The following PTPRA variants were observed in gnomAD, a reference collection of about 807,000 sequenced individuals.
PTPRA encodes receptor-type tyrosine-protein phosphatase alpha.
In PTPRA, 25 loss-of-function variants were observed where a neutral mutation model predicts 104.8. That is an observed-to-expected ratio of 0.24 (90% CI 0.17 to 0.33). The LOEUF (loss-of-function observed/expected upper bound fraction) is 0.33. Ranked by LOEUF, PTPRA falls within the 10% of genes least tolerant of loss-of-function variation. PTPRA has a pLI of 1.00. For synonymous variants in PTPRA, 323 were observed against 368.9 expected (o/e 0.88, Z 1.43); for missense variants, 765 against 1,015.3 (o/e 0.75, Z 3.35).
At chr20:2,956,108 A>T (rs578217290) in intron 3 of PTPRA, among the ~76,000 whole-genome samples, 10 of 152,274 alleles carry the variant, frequency 6.6e-5, no homozygotes, top group African/African-American at 2.4e-4. Context: ...TCTCCTTTAG[A>T]TATTCCTGCC....
rs576282697 is a variant in PTPRA, at chr20:3,009,084, G to C, written c.906+1664G>C. Among the ~76,000 whole-genome samples the C allele has an allele frequency of 9.2e-5, 14 of 152,308 alleles. 1 individual carries two copies. In the South Asian group the frequency reaches 2.9e-3, roughly 32 times the overall value. The stretch of plus-strand genomic sequence containing the variant: ...ATGGATAGAGACGACTCGTAGGTGT[G>C]GGTAAAGCAAGTTGAGGCAACTCAC... On this transcript the variant is annotated intron_variant, in intron 11 of 23. Transcript: ENST00000399903.
intron 11 of PTPRA, among the ~76,000 whole-genome samples, chr20:3,009,204 G>T (rs1401023713): frequency 4.6e-5 from 7 of 152,036 alleles, no homozygotes; most frequent in Non-Finnish European, 8.8e-5. Flanking sequence ...CCTGAGAAAA[G>T]GATACCAAAG....
rs1484880809 is a variant in PTPRA at position 2,885,155 on chromosome 20, A to G, written c.-129+11395A>G. On this transcript the variant is annotated intron_variant, in intron 1 of 23. Coordinates refer to ENST00000399903, the MANE Select transcript of PTPRA (RefSeq NM_001385305.1). ...GAAAGAACGCCTGCACCTTTTTACA[A>G]TCCCAGCAGCAGTGTATGAGTGTAT... 3.3e-5 allele frequency among the ~76,000 whole-genome samples: 5 copies of G among 152,104 alleles called. No individual in the cohort carries two copies. The East Asian group carries it at 5.8e-4, about 18-fold the overall frequency.
intron 1 of PTPRA, among the ~76,000 whole-genome samples, chr20:2,880,355 G>A (rs186555220): frequency 6.6e-6 from 1 of 152,312 alleles, no homozygotes. Flanking sequence ...AACAGTTAAT[G>A]TGTTAACTGT....
At chr20:2,977,932 T>C (rs1419250993) in intron 6 of PTPRA, among the ~76,000 whole-genome samples, 1 of 152,086 alleles carries the variant, frequency 6.6e-6, no homozygotes, top group East Asian at 1.9e-4. Flanking sequence ...GCTCATTATA[T>C]CTGGGGAGTG....
intron 3 of PTPRA, among the ~76,000 whole-genome samples, chr20:2,948,650 T>C (rs947971645): frequency 6.6e-6 from 1 of 152,144 alleles, no homozygotes; most frequent in African/African-American, 2.4e-5. Context: ...ACCAGTATTA[T>C]TCTTAATACT....
chr20:2,939,805 C>T (rs1048436600), intron 2 of PTPRA, among the ~76,000 whole-genome samples: 6 of 151,938 alleles, frequency 3.9e-5, no homozygotes, highest in Admixed American at 3.3e-4. Flanking sequence ...CTAGAATGTT[C>T]GGTTATAATC....
intron 18 of PTPRA, 23 bp from the exon 19 acceptor site, chr20:3,027,098 A>G: frequency 6.2e-7 from 1 of 1,612,444 alleles, no homozygotes; most frequent in Non-Finnish European, 8.5e-7. Flanking sequence ...TTGGCTAGCC[A>G]TAAGCCGCTA....
chr20:3,018,174 C>T (rs886236460), intron 13 of PTPRA, among the ~76,000 whole-genome samples: 19 of 152,198 alleles, frequency 1.2e-4, no homozygotes, highest in Non-Finnish European at 1.0e-4. Flanking sequence ...TGACTTGGGC[C>T]ATCAGCTAAG....
intron 1 of PTPRA, among the ~76,000 whole-genome samples, chr20:2,891,863 A>T (rs1363678116): frequency 1.3e-5 from 2 of 152,190 alleles, no homozygotes; most frequent in Non-Finnish European, 2.9e-5. Flanking sequence ...AATAATCTCC[A>T]GATTACCTAT....
chr20:2,865,592 C>T, the PTPRA span: 3 of 1,116,518 alleles, frequency 2.7e-6, no homozygotes, highest in Non-Finnish European at 3.8e-6. The surrounding 1 kb of genome is among the most constrained non-coding windows in gnomAD (Gnocchi z 5.2). Context: ...CGTTCATGCT[C>T]CTGTTCAGCT....
In PTPRA at chr20:2,923,087, G is replaced by T. The variant is rs182623972; in HGVS notation, c.-128-120G>T. The T allele has an allele frequency of 9.1e-6, 3 of 328,482 alleles. No individual in the cohort carries two copies. The Admixed American group carries it at 1.5e-4, about 17-fold the overall frequency. 20.3% of individuals were successfully genotyped at this position (328,482 alleles called of 1,614,324 possible). The stretch of plus-strand genomic sequence containing the variant: ...ATTATAGGCATGTGCCACCCTGCCT[G>T]GCTACTTTTTGTGGAGATGGGATTT... On this transcript the variant is annotated intron_variant, in intron 1 of 23. Transcript: ENST00000399903.
At chr20:2,935,094 T>C (rs956775303) in intron 2 of PTPRA, among the ~76,000 whole-genome samples, 2 of 152,234 alleles carry the variant, frequency 1.3e-5, no homozygotes, top group Non-Finnish European at 2.9e-5. Context: ...AATAGATCTC[T>C]TGAACTTATT....
Position 2,909,943 on chromosome 20 carries a change from AAT to A in PTPRA, c.-128-13263_-128-13262del, listed in dbSNP as rs2059584255. ...ATATATTGTTATATATAATATGTGTAATTATATATTATAATATATGATATATA... is the reference window on the plus strand; with the variant it reads ...ATATATTGTTATATATAATATGTGTATATATATTATAATATATGATATATA... On this transcript the variant is annotated intron_variant, in intron 1 of 23. Transcript: ENST00000399903. Among the ~76,000 whole-genome samples the A allele has an allele frequency of 3.1e-5, 4 of 127,946 alleles. 1 individual carries two copies. Among genetic ancestry groups the A allele is most frequent in the African/African-American group, 9.3e-5 (3 of 32,172 alleles). The allele number at this position is 127,946 out of a possible 152,430, so 83.9% of individuals were successfully genotyped here.
In PTPRA at chr20:3,022,960, A is replaced by G. The variant is rs2064952601; in HGVS notation, c.1464+136A>G. 3.6e-6 allele frequency: 5 copies of G among 1,383,118 alleles called. No homozygotes were observed. Among genetic ancestry groups the G allele is most frequent in the South Asian group, 1.4e-5 (1 of 71,466 alleles). 85.7% of individuals were successfully genotyped at this position (1,383,118 alleles called of 1,614,324 possible). A position where few individuals can be genotyped will look rare whatever the true frequency, so the allele number is the denominator to read the frequency against. On this transcript the variant is annotated intron_variant, in intron 16 of 23. Transcript: ENST00000399903. This position sits in a 1 kb window ranked among gnomAD's most constrained non-coding sequence, Gnocchi z 4.6. ...GTGATTGTGGGGGAAAGAAAGATAG[A>G]TCACACTGTTACCGTGTCTATGTAG...
intron 1 of PTPRA, among the ~76,000 whole-genome samples, chr20:2,882,485 G>A (rs1004825042): frequency 4.6e-5 from 7 of 151,682 alleles, no homozygotes; most frequent in African/African-American, 7.3e-5. Context: ...GAGAGATGAG[G>A]TCTCACTATG....
At chr20:2,914,451 G>A (rs1449466733) in intron 1 of PTPRA, among the ~76,000 whole-genome samples, 1 of 146,980 alleles carries the variant, frequency 6.8e-6, no homozygotes, top group Non-Finnish European at 1.5e-5. Flanking sequence ...TGCTCTGTGT[G>A]TGTGTGTGTG....
At chr20:2,904,797 A>G (rs1017968062) in intron 1 of PTPRA, among the ~76,000 whole-genome samples, 4 of 152,168 alleles carry the variant, frequency 2.6e-5, no homozygotes, top group Admixed American at 1.3e-4. Context: ...AAAAAGAAAG[A>G]AAAAAGGAAT....
chr20:3,012,848 G>A (rs1188363326), intron 11 of PTPRA, among the ~76,000 whole-genome samples: 1 of 152,130 alleles, frequency 6.6e-6, no homozygotes, highest in Non-Finnish European at 1.5e-5. Flanking sequence ...CATTTTAAGT[G>A]AGAATTCAGT....
Sources: gnomAD v4.1 joint callset for allele counts (sites outside exome capture counted in the v4.1 genomes callset) on GRCh38, gnomAD v4.1.1 for gene constraint, Gnocchi (gnomAD v3.1) non-coding constraint, MANE v1.5 for transcripts, NCBI Gene and HGNC (gene_info 2026-07-23, HGNC 2026-07-21) for gene names.